Variants in FASTKD3 observed in about 807,000 individuals in gnomAD.
FASTKD3 encodes FAST kinase domain-containing protein 3, mitochondrial.
FASTKD3 carries 47 observed loss-of-function variants against 49.7 expected under a neutral mutation model. The observed-to-expected ratio is 0.95, with a 90% CI of 0.75 to 1.21. FASTKD3 has a LOEUF of 1.21. FASTKD3 is among the 50% of genes most tolerant of loss of function. The pLI is 0.00. For missense variants in FASTKD3, 748 were observed against 765.7 expected (o/e 0.98, Z 0.27); for synonymous variants, 284 against 288.6 (o/e 0.98, Z 0.16).
chr5:7,861,300 T>A, intron 5 of FASTKD3, 37 bp from the exon 6 acceptor site: 8 of 1,190,264 alleles, frequency 6.7e-6, no homozygotes, highest in Non-Finnish European at 9.4e-6. Flanking sequence ...CTTAATTTTT[T>A]AAATAATCCA....
At position 7,867,152 on chromosome 5, in the gene FASTKD3, G is replaced by T; in HGVS notation, c.932C>A (p.Ala311Glu). ...TALVVLDQSQAFPLIIKLGKY... is the reference protein window; with the variant it reads ...TALVVLDQSQEFPLIIKLGKY... ...GCCCAATTTTATAATCAGAGGAAAT[G>T]CTTGACTTTGATCAAGAACCACCAG... is the stretch of plus-strand genomic sequence containing the variant. Residue 311 changes from alanine (A) to glutamate (E), a missense_variant, in exon 2 of 7, where the codon GCA becomes GAA. Around this residue, in one of 3 missense-constraint regions of FASTKD3, gnomAD observed 564 missense variants for 562.8 expected, o/e 1.00. Transcript: ENST00000264669. The T allele has an allele frequency of 1.2e-6, 2 of 1,614,132 alleles. No homozygotes were observed. Among genetic ancestry groups the T allele is most frequent in the South Asian group, 2.2e-5 (2 of 91,078 alleles).
chr5:7,860,914 T>C (rs1274042009), intron 6 of FASTKD3, among the ~76,000 whole-genome samples: 2 of 152,208 alleles, frequency 1.3e-5, no homozygotes, highest in Non-Finnish European at 2.9e-5. Context: ...AGCAAGAATA[T>C]GTAACTGTAA....
Position 7,867,033 on chromosome 5 carries a change from A to G in FASTKD3, c.1051T>C (p.Phe351Leu). Residue 351 changes from phenylalanine to leucine, a missense_variant, in exon 2 of 7, where the codon TTT becomes CTT. Transcript: ENST00000264669. ...FIYFGHHDTFFTKALEHRVAA... is the reference protein window; with the variant it reads ...FIYFGHHDTFLTKALEHRVAA... ...ACACGATGCTCTAGGGCTTTTGTAA[A>G]AAATGTGTCATGGTGCCCAAAATAT... is the stretch of plus-strand genomic sequence containing the variant. The G allele has an allele frequency of 6.2e-7, 1 of 1,614,180 alleles. No individual in the cohort carries two copies. The highest frequency in any genetic ancestry group is 8.5e-7 in the Non-Finnish European group (1 of 1,180,030).
chr5:7,867,531 GAGCTTGCA>G lies in FASTKD3; in HGVS notation c.545_552del (p.Leu182SerfsTer11), dbSNP rs1561111529. 3.7e-6 allele frequency: 6 copies of G among 1,614,136 alleles called. No homozygotes were observed. Among genetic ancestry groups the G allele is most frequent in the Middle Eastern group, 1.6e-4 (1 of 6,084 alleles). On this transcript the variant is annotated frameshift_variant, in exon 2 of 7. Coordinates refer to ENST00000264669, the MANE Select transcript of FASTKD3 (RefSeq NM_024091.4). LOFTEE classifies it high-confidence loss of function. ...TGAGGATCCACATGCAACAGAATCA[GAGCTTGCA>G]AAGCAGTCACTAAACTAGTGTTTGA...
intron 4 of FASTKD3, 52 bp from the exon 5 acceptor site, chr5:7,861,704 A>G (rs1268707963): frequency 5.1e-6 from 8 of 1,574,782 alleles, no homozygotes; most frequent in Non-Finnish European, 6.9e-6. Flanking sequence ...CACAAACACT[A>G]TCTTCCTGTA....
In FASTKD3 at chr5:7,868,147, G is replaced by T; in HGVS notation, c.-64C>A. The T allele has an allele frequency of 1.1e-6, 1 of 904,430 alleles. No homozygotes were observed. The highest frequency in any genetic ancestry group is 1.6e-6 in the Non-Finnish European group (1 of 642,632). 56.0% of individuals were successfully genotyped at this position (904,430 alleles called of 1,614,324 possible). On this transcript the variant is annotated 5_prime_UTR_variant, in exon 2 of 7. It introduces an in-frame stop codon into an upstream open reading frame of the 5' UTR. Transcript: ENST00000264669. ...TTAAAAACACATGGTTAAATACATT[G>T]AGAACATGATTGACCCAACATCAAT...
chr5:7,862,850 C>T lies in FASTKD3; in HGVS notation c.1672G>A (p.Val558Met), dbSNP rs1169455026. ...ATTGTATAACAATAGGGTGTCAACA[C>T]TTTTGGAGCAAAATATAATCTTGCT... ...LGARLYFAPKVLTPYCYTIDV... is the reference protein window; with the variant it reads ...LGARLYFAPKMLTPYCYTIDV... Residue 558 changes from valine (V) to methionine (M), a missense_variant, in exon 4 of 7, where the codon GTG becomes ATG. By Grantham distance (21) the Val-to-Met change is conservative (BLOSUM62 1). Coordinates refer to ENST00000264669, the MANE Select transcript of FASTKD3 (RefSeq NM_024091.4). 3 of 1,613,720 alleles carry T rather than the reference C, an allele frequency of 1.9e-6. No homozygotes were observed. In the East Asian group the frequency reaches 6.7e-5, roughly 36 times the overall value.
At chr5:7,863,068 C>T in intron 3 of FASTKD3, 71 bp from the exon 4 acceptor site, 1 of 1,385,352 alleles carries the variant, frequency 7.2e-7, no homozygotes, top group Non-Finnish European at 1.0e-6. Context: ...TTGAAGGTTA[C>T]CTAGGTAGAA....
chr5:7,865,507 T>G lies in FASTKD3; in HGVS notation c.1524+391A>C, dbSNP rs1182496411. Among the ~76,000 whole-genome samples the G allele has an allele frequency of 1.6e-4, 25 of 152,164 alleles. 1 individual carries two copies. Among genetic ancestry groups the G allele is most frequent in the Non-Finnish European group, 1.5e-5 (1 of 68,030 alleles). On this transcript the variant is annotated intron_variant, in intron 3 of 6. Coordinates refer to ENST00000264669, the MANE Select transcript of FASTKD3 (RefSeq NM_024091.4). Reference sequence around the variant, plus strand: ...TAAAAGTGAAATTTCTGGCTTGGCTTAAAAATATACTGTACTTGCAAATAA... The same window carrying G: ...TAAAAGTGAAATTTCTGGCTTGGCTGAAAAATATACTGTACTTGCAAATAA...
chr5:7,862,779 A>G, intron 4 of FASTKD3, 44 bp downstream of exon 4: 2 of 1,514,252 alleles, frequency 1.3e-6, no homozygotes, highest in Non-Finnish European at 1.8e-6. Context: ...AAAATCGAAC[A>G]GGATGCTTAG....
At chr5:7,862,495 G>A (rs971272405) in intron 4 of FASTKD3, among the ~76,000 whole-genome samples, 2 of 152,158 alleles carry the variant, frequency 1.3e-5, no homozygotes, top group Non-Finnish European at 2.9e-5. Context: ...CAATTAGTGA[G>A]CATTTCCTAC....
Position 7,868,111 on chromosome 5 carries a change from A to C in FASTKD3, c.-28T>G. 1.3e-6 allele frequency: 2 copies of C among 1,489,758 alleles called. No individual in the cohort carries two copies. Among genetic ancestry groups the C allele is most frequent in the Non-Finnish European group, 1.8e-6 (2 of 1,102,116 alleles). The allele number at this position is 1,489,758 out of a possible 1,614,324, so 92.3% of individuals were successfully genotyped here. ...CATCAGATTCTCAATTTGATAACTA[A>C]ATTAAAAAATTTAAAAACACATGGT... On this transcript the variant is annotated 5_prime_UTR_variant, in exon 2 of 7. The change creates a new upstream start codon in the 5' untranslated region. Coordinates refer to ENST00000264669, the MANE Select transcript of FASTKD3 (RefSeq NM_024091.4).
chr5:7,864,232 C>T (rs1746768376), intron 3 of FASTKD3, among the ~76,000 whole-genome samples: 1 of 152,036 alleles, frequency 6.6e-6, no homozygotes, highest in Non-Finnish European at 1.5e-5. Context: ...TTGATTTAGC[C>T]ATTCTACAAT....
chr5:7,859,312 G>A lies in FASTKD3; in HGVS notation c.*123C>T, dbSNP rs1176034370. ...ACATAGTATAAGGAAAACTACAGAT[G>A]CTTTCAGATCACCAGTCTAGAACAT... On this transcript the variant is annotated 3_prime_UTR_variant, in exon 7 of 7. Transcript: ENST00000264669. The A allele has an allele frequency of 7.8e-6, 4 of 515,798 alleles. No individual in the cohort carries two copies. The highest frequency in any genetic ancestry group is 3.8e-5 in the South Asian group (1 of 26,646). 32.0% of individuals were successfully genotyped at this position (515,798 alleles called of 1,614,324 possible).
chr5:7,861,559 G>A (rs1746538640), intron 5 of FASTKD3, 24 bp downstream of exon 5: 2 of 1,524,278 alleles, frequency 1.3e-6, no homozygotes, highest in Non-Finnish European at 1.8e-6. Flanking sequence ...CTTGTAATGT[G>A]AAAAACACAA....
At chr5:7,865,216 C>A (rs532878456) in intron 3 of FASTKD3, among the ~76,000 whole-genome samples, 1 of 151,986 alleles carries the variant, frequency 6.6e-6, no homozygotes, top group African/African-American at 2.4e-5. Flanking sequence ...GGTAAGAGAT[C>A]GGGGTTAACT....
At chr5:7,863,157 C>T (rs540976693) in intron 3 of FASTKD3, 160 bp from the exon 4 acceptor site, 9 of 653,758 alleles carry the variant, frequency 1.4e-5, no homozygotes, top group African/African-American at 1.3e-4. Context: ...AATGATAATG[C>T]AAACTTCTCT....
chr5:7,866,788 C>A lies in FASTKD3; in HGVS notation c.1296G>T (p.Leu432=), dbSNP rs140517837. The A allele has an allele frequency of 3.9e-3, 6,371 of 1,614,138 alleles. 10 individuals carry two copies. The highest frequency in any genetic ancestry group is 4.9e-3 in the Non-Finnish European group (5,728 of 1,180,012). ...TGAAATGAGTGAATAGCACGTTTTC[C>A]AGCTTTCTAAATAAAGCAGAGGCAT... The part of the protein sequence containing the change: ...PPNASALFRK[L]ENVLFTHFNY... Residue 432 remains leucine, a synonymous_variant, in exon 2 of 7, where the codon CTG becomes CTT. Transcript: ENST00000264669.
intron 2 of FASTKD3, 51 bp from the exon 3 acceptor site, chr5:7,866,034 T>A: frequency 7.5e-7 from 1 of 1,340,038 alleles, no homozygotes; most frequent in South Asian, 1.2e-5. Context: ...GAGGTATGTA[T>A]GAGAGAACAT....
Sources: gnomAD v4.1 joint callset for allele counts (sites outside exome capture counted in the v4.1 genomes callset) on GRCh38, gnomAD v4.1.1 for gene constraint, gnomAD v4.1.1 regional missense constraint, MANE v1.5 for transcripts, NCBI Gene and HGNC (gene_info 2026-07-23, HGNC 2026-07-21) for gene names.